KCNK10: variants seen among roughly 807,000 people sequenced by gnomAD.
KCNK10 encodes the protein potassium channel subfamily K member 10.
KCNK10 carries 25 observed loss-of-function variants against 47.7 expected under a neutral mutation model. The observed-to-expected ratio is 0.52, with a 90% CI of 0.38 to 0.73. The LOEUF (loss-of-function observed/expected upper bound fraction) is 0.73, where lower values mean the gene tolerates loss of function less well. Ranked by LOEUF, KCNK10 falls within the 30% of genes least tolerant of loss-of-function variation. The pLI is 0.00. For synonymous variants in KCNK10, 303 were observed against 285.6 expected, an observed-to-expected ratio of 1.06 and a Z score of -0.61; for missense variants, 563 against 714.5, an observed-to-expected ratio of 0.79 and a Z score of 2.42.
intron 2 of KCNK10, among the ~76,000 whole-genome samples, chr14:88,251,050 T>A (rs1007626113): frequency 6.6e-6 from 1 of 151,342 alleles, no homozygotes; most frequent in African/African-American, 2.4e-5. Flanking sequence ...CTGGCCAATA[T>A]GATGAAACCC....
Position 88,185,336 on chromosome 14 carries a change from A to T in KCNK10, c.*199T>A. 1 of 744,612 alleles carries T rather than the reference A, an allele frequency of 1.3e-6. No individual in the cohort carries two copies. The allele number at this position is 744,612 out of a possible 1,614,324, so 46.1% of individuals were successfully genotyped here. On this transcript the variant is annotated 3_prime_UTR_variant, in exon 7 of 7. Transcript: ENST00000319231. This position sits in a 1 kb window ranked among gnomAD's most constrained non-coding sequence, Gnocchi z 4.3. Reference sequence around the variant, plus strand: ...ACTCTTGGTGTGTCCTGCGTTTGCTATCTGAAATGAAGTTCTTGTTCTCTG... The same window carrying T: ...ACTCTTGGTGTGTCCTGCGTTTGCTTTCTGAAATGAAGTTCTTGTTCTCTG...
intron 1 of KCNK10, among the ~76,000 whole-genome samples, chr14:88,284,757 C>T (rs564301651): frequency 6.6e-6 from 1 of 152,256 alleles, no homozygotes; most frequent in Non-Finnish European, 1.5e-5. Flanking sequence ...TCCACTGGCT[C>T]AAATGTTAAT....
At chr14:88,212,109 A>T (rs1236313582) in intron 4 of KCNK10, among the ~76,000 whole-genome samples, 1 of 133,334 alleles carries the variant, frequency 7.5e-6, no homozygotes, top group African/African-American at 2.8e-5. Flanking sequence ...TGATAGTGAG[A>T]ATATATATAT....
At position 88,227,539 on chromosome 14, in the gene KCNK10, G is replaced by A; in HGVS notation, c.521-4C>T. On this transcript the variant is annotated splice_polypyrimidine_tract_variant and splice_region_variant and intron_variant, in intron 3 of 6. Transcript: ENST00000319231. Reference sequence around the variant, plus strand: ...CTCGGAGCAATATTCCCATACCCTGGTGAGAAATATGAAAAAGAGGGAGAG... The same window carrying A: ...CTCGGAGCAATATTCCCATACCCTGATGAGAAATATGAAAAAGAGGGAGAG... The A allele has an allele frequency of 1.3e-6, 2 of 1,582,842 alleles. No homozygotes were observed. Among genetic ancestry groups the A allele is most frequent in the Middle Eastern group, 1.7e-4 (1 of 5,872 alleles).
chr14:88,200,733 T>C (rs1367232125), intron 4 of KCNK10, among the ~76,000 whole-genome samples: 1 of 152,252 alleles, frequency 6.6e-6, no homozygotes, highest in African/African-American at 2.4e-5. Flanking sequence ...GTATTTATCA[T>C]GTACCTACTC....
At chr14:88,213,968 T>G (rs941278825) in intron 4 of KCNK10, among the ~76,000 whole-genome samples, 2 of 147,232 alleles carry the variant, frequency 1.4e-5, no homozygotes, top group Non-Finnish European at 3.0e-5. Flanking sequence ...AGACAGAGTT[T>G]CACTCGTGTT....
chr14:88,269,970 C>A (rs909044358), intron 1 of KCNK10, among the ~76,000 whole-genome samples: 2 of 152,152 alleles, frequency 1.3e-5, no homozygotes, highest in African/African-American at 4.8e-5. Flanking sequence ...TCTTGGAAAC[C>A]TGAAATGCAG....
chr14:88,202,866 G>A (rs984488150), intron 4 of KCNK10, among the ~76,000 whole-genome samples: 1 of 152,176 alleles, frequency 6.6e-6, no homozygotes, highest in Non-Finnish European at 1.5e-5. Context: ...GCTTTCTGCT[G>A]GTGATTCACC....
chr14:88,324,351 G>A (rs1473467457), upstream of KCNK10, among the ~76,000 whole-genome samples: 2 of 152,238 alleles, frequency 1.3e-5, no homozygotes, highest in Non-Finnish European at 2.9e-5. Flanking sequence ...CAACATGAAT[G>A]ATGCTGACAA....
chr14:88,244,289 T>C (rs552677689), intron 2 of KCNK10, among the ~76,000 whole-genome samples: 84 of 152,328 alleles, frequency 5.5e-4, no homozygotes, highest in Admixed American at 1.1e-3. Context: ...ACAGTTCTAA[T>C]TTTTATTAAT....
intron 2 of KCNK10, among the ~76,000 whole-genome samples, chr14:88,244,186 C>A (rs1886558462): frequency 6.6e-6 from 1 of 152,088 alleles, no homozygotes; most frequent in African/African-American, 2.4e-5. Context: ...AACCAGAATT[C>A]AAATGAATCA....
intron 4 of KCNK10, among the ~76,000 whole-genome samples, chr14:88,193,963 C>T (rs1375462057): frequency 2.0e-5 from 3 of 152,058 alleles, no homozygotes; most frequent in Admixed American, 6.5e-5. Context: ...AAATGGTCAC[C>T]GGGTGATCTG....
chr14:88,211,530 A>T (rs1328934330), intron 4 of KCNK10, among the ~76,000 whole-genome samples: 1 of 152,144 alleles, frequency 6.6e-6, no homozygotes, highest in African/African-American at 2.4e-5. Context: ...TAACACAATT[A>T]AAAAAAGGCA....
chr14:88,253,867 C>G (rs759765788), intron 2 of KCNK10, among the ~76,000 whole-genome samples: 1 of 152,200 alleles, frequency 6.6e-6, no homozygotes, highest in Non-Finnish European at 1.5e-5. Context: ...CATTGCACTC[C>G]AGTCTGGGCA....
intron 1 of KCNK10, among the ~76,000 whole-genome samples, chr14:88,275,523 TC>T (rs774268793): frequency 1.3e-3 from 203 of 152,030 alleles, no homozygotes; most frequent in Non-Finnish European, 2.6e-3. Flanking sequence ...AGGAGATCCC[TC>T]CAGACAAACC....
At chr14:88,295,669 A>T (rs1167426680) in intron 1 of KCNK10, among the ~76,000 whole-genome samples, 1 of 152,114 alleles carries the variant, frequency 6.6e-6, no homozygotes, top group Non-Finnish European at 1.5e-5. Flanking sequence ...CAAAATAAAT[A>T]AATTAATTAA....
Position 88,186,371 on chromosome 14 carries a change from C to T in KCNK10, c.1012-216G>A, listed in dbSNP as rs921177739. On this transcript the variant is annotated intron_variant, in intron 6 of 6. Transcript: ENST00000319231. This position sits in a 1 kb window ranked among gnomAD's most constrained non-coding sequence, Gnocchi z 5.5. ...GTAAATAAGGTGGCTCAGGGAGACA[C>T]ACGTGGTGGGCAACCCCAAGAAGCC... Among the ~76,000 whole-genome samples the T allele has an allele frequency of 3.3e-5, 5 of 152,140 alleles. No homozygotes were observed. Among genetic ancestry groups the T allele is most frequent in the African/African-American group, 1.2e-4 (5 of 41,428 alleles).
At chr14:88,323,945 G>A (rs1888609393), upstream of KCNK10, among the ~76,000 whole-genome samples, 2 of 152,154 alleles carry the variant, frequency 1.3e-5, no homozygotes, top group Non-Finnish European at 2.9e-5. Context: ...TGAGCCTTTT[G>A]TTCTGGGACC....
At position 88,183,108 on chromosome 14, in the gene KCNK10, A is replaced by C. The variant is rs1884424616; in HGVS notation, c.*2427T>G. The C allele has an allele frequency of 6.6e-6, 1 of 152,344 alleles. No individual in the cohort carries two copies. The highest frequency in any genetic ancestry group is 2.4e-5 in the African/African-American group (1 of 41,462). 9.4% of individuals were successfully genotyped at this position (152,344 alleles called of 1,614,324 possible). ...TGACACAGACACTGTAGTGAAGTTG[A>C]AAGCAGACTTTGGTCAGACTTTGAA... On this transcript the variant is annotated 3_prime_UTR_variant, in exon 7 of 7. Transcript: ENST00000319231.
Sources: allele counts gnomAD v4.1 joint callset (sites outside exome capture counted in the v4.1 genomes callset), GRCh38; gene constraint gnomAD v4.1.1; non-coding constraint Gnocchi (gnomAD v3.1); transcripts MANE v1.5; gene names NCBI Gene and HGNC (gene_info 2026-07-23, HGNC 2026-07-21).